Variants in ADARB1 observed in about 807,000 individuals in gnomAD.
The protein encoded by ADARB1 is adenosine deaminase RNA specific B1.
In ADARB1, 10 loss-of-function variants were observed where a neutral mutation model predicts 52.4. That is an observed-to-expected ratio of 0.19 (90% CI 0.12 to 0.32). The LOEUF (loss-of-function observed/expected upper bound fraction) is 0.32. ADARB1 is among the 10% of genes least tolerant of loss of function. The pLI, the probability that ADARB1 is intolerant of heterozygous loss-of-function variation, is 1.00. For missense variants in ADARB1, 643 were observed against 922.3 expected, an observed-to-expected ratio of 0.70 and a Z score of 3.92; for synonymous variants, 349 against 371.1, an observed-to-expected ratio of 0.94 and a Z score of 0.68.
At chr21:45,097,043 T>C (rs1380113681) in intron 1 of ADARB1, among the ~76,000 whole-genome samples, 1 of 151,930 alleles carries the variant, frequency 6.6e-6, no homozygotes, top group East Asian at 1.9e-4. Flanking sequence ...CCAGCCTTTC[T>C]CCTCTTTTTA....
chr21:45,219,584 T>C (rs528488375), intron 9 of ADARB1, among the ~76,000 whole-genome samples: 2 of 152,242 alleles, frequency 1.3e-5, no homozygotes, highest in South Asian at 2.1e-4. Flanking sequence ...CTTACATTAG[T>C]AACTGAAGAA....
intron 2 of ADARB1, among the ~76,000 whole-genome samples, chr21:45,162,695 T>C (rs1435275307): frequency 1.3e-5 from 2 of 152,252 alleles, no homozygotes; most frequent in African/African-American, 4.8e-5. Context: ...CAGTAGCTGA[T>C]GCCCATGAGC....
rs2092697934 is a variant in ADARB1 at position 45,208,028 on chromosome 21, G to T, written c.1747+3292G>T. Among the ~76,000 whole-genome samples, 1 of 152,142 alleles carries T rather than the reference G, an allele frequency of 6.6e-6. No homozygotes were observed. Among genetic ancestry groups the T allele is most frequent in the Non-Finnish European group, 1.5e-5 (1 of 68,012 alleles). On this transcript the variant is annotated intron_variant, in intron 9 of 10. Transcript: ENST00000348831. The surrounding 1 kb of genome is among the most constrained non-coding windows in gnomAD (Gnocchi z 5.6). ...TTTGCCTTTGTGGGTATACACACTT[G>T]GTACCCTTGCTTAGCACTGTGGAAG... is the stretch of plus-strand genomic sequence containing the variant.
rs139330122 is a variant in ADARB1 at position 45,195,611 on chromosome 21, T to A, written c.1566-8944T>A. 3.8e-3 allele frequency among the ~76,000 whole-genome samples: 578 copies of A among 152,278 alleles called. 6 individuals are homozygous for A. The highest frequency in any genetic ancestry group is 6.1e-3 in the Non-Finnish European group (412 of 68,010). ...TGTAAAACCTATGCCTAGATTCTTT[T>A]TTTTTTTTTCTGCATGTTTATGTCC... On this transcript the variant is annotated intron_variant, in intron 8 of 10. Transcript: ENST00000348831.
intron 8 of ADARB1, among the ~76,000 whole-genome samples, chr21:45,198,140 T>G (rs1866700759): frequency 1.3e-5 from 2 of 152,180 alleles, no homozygotes; most frequent in Admixed American, 1.3e-4. Flanking sequence ...GTTAGAAGGA[T>G]GCAAACAGTA....
At chr21:45,109,188 TGTGTGTGCACGTGTGTTTGCGCGC>T (rs929791584) in intron 1 of ADARB1, among the ~76,000 whole-genome samples, 1 of 57,704 alleles carries the variant, frequency 1.7e-5, no homozygotes, top group African/African-American at 5.1e-5. Flanking sequence ...TGTGCGTATA[TGTGTGTGCACGTGTGTTTGCGCGC>T]GTGTGTGCGC....
Position 45,224,552 on chromosome 21 carries a change from G to C in ADARB1, c.*2355G>C. 9 of 990,598 alleles carry C rather than the reference G, an allele frequency of 9.1e-6. No individual in the cohort carries two copies. Among genetic ancestry groups the C allele is most frequent in the Non-Finnish European group, 9.8e-6 (8 of 818,616 alleles). 61.4% of individuals were successfully genotyped at this position (990,598 alleles called of 1,614,324 possible). A position where few individuals can be genotyped will look rare whatever the true frequency, so the allele number is the denominator to read the frequency against. ...GGAGCCCTGGGCGGGGCGGCTGTTGGGGGGAACTGGGTTCGGGGTGCCCTG... is the reference window on the plus strand; with the variant it reads ...GGAGCCCTGGGCGGGGCGGCTGTTGCGGGGAACTGGGTTCGGGGTGCCCTG... On this transcript the variant is annotated 3_prime_UTR_variant, in exon 11 of 11. Coordinates refer to ENST00000348831, the MANE Select transcript of ADARB1 (RefSeq NM_001112.4).
intron 1 of ADARB1, among the ~76,000 whole-genome samples, chr21:45,107,897 C>A (rs1414101701): frequency 6.6e-6 from 1 of 151,920 alleles, no homozygotes; most frequent in African/African-American, 2.4e-5. Context: ...CCTATTTTTA[C>A]AAAAAATACA....
At chr21:45,158,643 T>G (rs904500650) in intron 2 of ADARB1, among the ~76,000 whole-genome samples, 1 of 152,094 alleles carries the variant, frequency 6.6e-6, no homozygotes, top group East Asian at 1.9e-4. Context: ...ATGTGTTTCC[T>G]CCACCAAAGC....
chr21:45,155,311 C>A (rs1237873778), intron 2 of ADARB1, among the ~76,000 whole-genome samples: 2 of 152,148 alleles, frequency 1.3e-5, no homozygotes, highest in Admixed American at 1.3e-4. Flanking sequence ...TCCTGACCTT[C>A]ACCCTTCACA....
At chr21:45,153,341 G>GTTT (rs34024154) in intron 2 of ADARB1, among the ~76,000 whole-genome samples, 1 of 150,294 alleles carries the variant, frequency 6.7e-6, no homozygotes, top group African/African-American at 2.4e-5. Flanking sequence ...AGCTGTTGAT[G>GTTT]TTTTTTTTTT....
intron 1 of ADARB1, among the ~76,000 whole-genome samples, chr21:45,112,950 A>G (rs952818710): frequency 2.0e-5 from 3 of 151,196 alleles, no homozygotes; most frequent in Non-Finnish European, 4.4e-5. Flanking sequence ...TGCTGGGGCC[A>G]TGTGGGTAGT....
chr21:45,105,851 TTTATGC>T (rs1415756883), intron 1 of ADARB1, among the ~76,000 whole-genome samples: 1 of 152,248 alleles, frequency 6.6e-6, no homozygotes, highest in Non-Finnish European at 1.5e-5. Context: ...CTGTCCAGTC[TTTATGC>T]TTATGAACTT....
At position 45,074,773 on chromosome 21, in the gene ADARB1, C is replaced by CGCGGCGCGGCTGCGGCTGAGGTGAGG. The variant is rs2085843741; in HGVS notation, c.-230_-220+15dup. On this transcript the variant is annotated 5_prime_UTR_variant, in exon 1 of 11. Coordinates refer to ENST00000348831, the MANE Select transcript of ADARB1 (RefSeq NM_001112.4). ...TGGGGCGCGCGTGCGGAGGACCAGG[C>CGCGGCGCGGCTGCGGCTGAGGTGAGG]GCGGCGCGGCTGCGGCTGAGGTGAG... The CGCGGCGCGGCTGCGGCTGAGGTGAGG allele has an allele frequency of 2.7e-5, 4 of 146,500 alleles. No homozygotes were observed. The highest frequency in any genetic ancestry group is 6.1e-5 in the Non-Finnish European group (4 of 65,652). 9.1% of individuals were successfully genotyped at this position (146,500 alleles called of 1,614,324 possible).
chr21:45,155,610 C>T (rs1431276138), intron 2 of ADARB1, among the ~76,000 whole-genome samples: 1 of 151,694 alleles, frequency 6.6e-6, no homozygotes, highest in Non-Finnish European at 1.5e-5. Flanking sequence ...ACCCATCCAT[C>T]CACCCATCTA....
chr21:45,106,302 T>C (rs2087256692), intron 1 of ADARB1, among the ~76,000 whole-genome samples: 1 of 152,124 alleles, frequency 6.6e-6, no homozygotes, highest in Non-Finnish European at 1.5e-5. Context: ...GTTGTGGTTG[T>C]GTTTAATGTT....
chr21:45,137,244 G>C (rs2236702), intron 2 of ADARB1: 23,159 of 152,104 alleles, frequency 0.15, 1,858 homozygotes, highest in East Asian at 0.29. Flanking sequence ...TACATGGAGG[G>C]ACTCGGAGTG....
rs1190958551 is a variant in ADARB1 at position 45,100,672 on chromosome 21, C to G, written c.-220+25879C>G. ...AACCTCGGTGTCCGGTTGCTCCAAA[C>G]CAGTGCTGGTGGGATTCAGTTTTCT... is the stretch of plus-strand genomic sequence containing the variant. On this transcript the variant is annotated intron_variant, in intron 1 of 10. Coordinates refer to ENST00000348831, the MANE Select transcript of ADARB1 (RefSeq NM_001112.4). 2.0e-5 allele frequency: 3 copies of G among 152,310 alleles called. No homozygotes were observed. The East Asian group carries it at 5.8e-4, about 29-fold the overall frequency. 9.4% of individuals were successfully genotyped at this position (152,310 alleles called of 1,614,324 possible).
In ADARB1 at chr21:45,176,404, A is replaced by G; in HGVS notation, c.703A>G (p.Asn235Asp). 1 of 1,614,190 alleles carries G rather than the reference A, an allele frequency of 6.2e-7. No homozygotes were observed. ...ACCATTCCCACCCCCGAGTGGGAAG[A>G]ATCCCGTGATGATCTTGAACGAACT... Reference protein sequence around the residue: ...LPPFPPPSGKNPVMILNELRP... With the variant: ...LPPFPPPSGKDPVMILNELRP... Residue 235 changes from asparagine to aspartate, a missense_variant, in exon 4 of 11, where the codon AAT becomes GAT. Coordinates refer to ENST00000348831, the MANE Select transcript of ADARB1 (RefSeq NM_001112.4). The surrounding 1 kb of genome is among the most constrained non-coding windows in gnomAD (Gnocchi z 5.8).
Sources: allele counts gnomAD v4.1 joint callset (sites outside exome capture counted in the v4.1 genomes callset), GRCh38; gene constraint gnomAD v4.1.1; non-coding constraint Gnocchi (gnomAD v3.1); transcripts MANE v1.5; gene names NCBI Gene and HGNC (gene_info 2026-07-23, HGNC 2026-07-21).